The following TC2N variants were observed in gnomAD, a reference collection of about 807,000 sequenced individuals.
The protein encoded by TC2N is tandem C2 domains nuclear protein.
A neutral mutation model predicts 61.9 loss-of-function variants in TC2N; 51 were observed. That is an observed-to-expected ratio of 0.82 (90% CI 0.66 to 1.04). The LOEUF is 1.04. Ranked by LOEUF, TC2N falls within the 50% of genes least tolerant of loss-of-function variation. TC2N has a pLI of 0.00. For missense variants in TC2N, 556 were observed against 566.7 expected, an observed-to-expected ratio of 0.98 and a Z score of 0.19; for synonymous variants, 204 against 192.6, an observed-to-expected ratio of 1.06 and a Z score of -0.49.
chr14:91,784,652 T>C (rs1885276017), intron 11 of TC2N, among the ~76,000 whole-genome samples: 2 of 152,176 alleles, frequency 1.3e-5, no homozygotes. Context: ...TGTTGTTTTA[T>C]ACAAATTGTA....
Position 91,797,897 on chromosome 14 carries a change from C to T in TC2N, c.743G>A (p.Arg248Lys). The T allele has an allele frequency of 6.4e-7, 1 of 1,553,468 alleles. No homozygotes were observed. Among genetic ancestry groups the T allele is most frequent in the East Asian group, 2.3e-5 (1 of 44,272 alleles). The change falls in exon 8 of 12, where the codon AGA becomes AAA. Residue 248 changes from arginine to lysine, a missense_variant. By Grantham distance (26) the Arg-to-Lys change is conservative (BLOSUM62 2). Transcript: ENST00000435962. ...EQIWITVLQC[R>K]DLSWPSSYGD... ...ATAACTAGAGGGCCAACTTAAATCT[C>T]TGCACTAAAAAAATTAAAAATACAG...
At chr14:91,813,580 A>C (rs565596387) in intron 2 of TC2N, 123 bp downstream of exon 2, 49 of 639,370 alleles carry the variant, frequency 7.7e-5, no homozygotes, top group Non-Finnish European at 1.2e-4. Context: ...ATATTTACTT[A>C]GTGTGCCTTA....
At chr14:91,811,576 A>T (rs1450097707) in intron 3 of TC2N, among the ~76,000 whole-genome samples, 1 of 152,104 alleles carries the variant, frequency 6.6e-6, no homozygotes, top group Non-Finnish European at 1.5e-5. Flanking sequence ...GTAACTATTT[A>T]GACTGGGAAG....
At chr14:91,809,916 A>C (rs1886689762) in intron 3 of TC2N, among the ~76,000 whole-genome samples, 2 of 152,212 alleles carry the variant, frequency 1.3e-5, no homozygotes, top group Admixed American at 1.3e-4. Flanking sequence ...GAAGAAAGAA[A>C]GGAAGGAAGG....
At position 91,802,292 on chromosome 14, in the gene TC2N, A is replaced by G. The variant is rs1386170219; in HGVS notation, c.431T>C (p.Phe144Ser). ...TCTCTTCACTTCTGAACGGGGAGGA[A>G]AGCGTCGACTCAAATCAGGTGAAAT... ...QHISPDLSRRFPPRSEVKRLY... is the reference protein window; with the variant it reads ...QHISPDLSRRSPPRSEVKRLY... Residue 144 changes from phenylalanine to serine, a missense_variant, in exon 4 of 12, where the codon TTT becomes TCT. Coordinates refer to ENST00000435962, the MANE Select transcript of TC2N (RefSeq NM_001128596.3). 1 of 1,601,400 alleles carries G rather than the reference A, an allele frequency of 6.2e-7. No individual in the cohort carries two copies. The highest frequency in any genetic ancestry group is 8.5e-7 in the Non-Finnish European group (1 of 1,175,550).
chr14:91,792,480 G>C lies in TC2N; in HGVS notation c.934C>G (p.Gln312Glu), dbSNP rs1885707693. The C allele has an allele frequency of 1.9e-6, 3 of 1,610,268 alleles. No homozygotes were observed. Among genetic ancestry groups the C allele is most frequent in the Non-Finnish European group, 8.5e-7 (1 of 1,177,626 alleles). Residue 312 changes from glutamine (Q) to glutamate (E), a missense_variant, in exon 9 of 12, where the codon CAA (glutamine) becomes GAA (glutamate). Gln to Glu is a conservative substitution (Grantham distance 29, BLOSUM62 2). Transcript: ENST00000435962. ...LQTVRLVFKI[Q>E]TQTPRKKTIG... Reference sequence around the variant, plus strand: ...GTTTTCTTCCTGGGAGTCTGGGTTTGAATCTTAAATACAAGTCTTACAGTT... The same window carrying C: ...GTTTTCTTCCTGGGAGTCTGGGTTTCAATCTTAAATACAAGTCTTACAGTT...
intron 1 of TC2N, among the ~76,000 whole-genome samples, chr14:91,828,486 CT>C (rs1566782438): frequency 6.6e-6 from 1 of 151,840 alleles, no homozygotes; most frequent in African/African-American, 2.4e-5. Flanking sequence ...TTATATATCT[CT>C]TTTTTAATGC....
chr14:91,783,032 T>C lies in TC2N; in HGVS notation c.*68A>G. On this transcript the variant is annotated 3_prime_UTR_variant, in exon 12 of 12. Coordinates refer to ENST00000435962, the MANE Select transcript of TC2N (RefSeq NM_001128596.3). The stretch of plus-strand genomic sequence containing the variant: ...TTGTTGATTTGCCTCTTCTCATTGG[T>C]AGCAAATTGAAATCATAAGTCTTCT... 1 of 1,000,556 alleles carries C rather than the reference T, an allele frequency of 1.0e-6. No individual in the cohort carries two copies. The highest frequency in any genetic ancestry group is 1.6e-6 in the Non-Finnish European group (1 of 642,532). The allele number at this position is 1,000,556 out of a possible 1,614,324, so 62.0% of individuals were successfully genotyped here.
intron 1 of TC2N, among the ~76,000 whole-genome samples, chr14:91,826,964 G>A (rs1437246114): frequency 6.6e-6 from 1 of 152,030 alleles, no homozygotes. Context: ...GTCTCCTCAT[G>A]TTTTAGATAT....
chr14:91,814,869 A>C (rs1886941309), intron 1 of TC2N, among the ~76,000 whole-genome samples: 2 of 151,658 alleles, frequency 1.3e-5, no homozygotes, highest in Admixed American at 1.3e-4. Flanking sequence ...CACAAAAATA[A>C]CTATGTCAGG....
In TC2N at chr14:91,799,065, C is replaced by T; in HGVS notation, c.562-1G>A. On this transcript the variant is annotated splice_acceptor_variant, in intron 5 of 11. Transcript: ENST00000435962. LOFTEE classifies it high-confidence loss of function. ...GTACACTGGACAATGAATCATGTCT[C>T]TATAAATAAAATTATTCTTTAGTCA... 6.4e-7 allele frequency: 1 copy of T among 1,565,674 alleles called. No individual in the cohort carries two copies. The highest frequency in any genetic ancestry group is 8.6e-7 in the Non-Finnish European group (1 of 1,159,248).
intron 8 of TC2N, among the ~76,000 whole-genome samples, chr14:91,793,168 C>T (rs1274364978): frequency 6.6e-6 from 1 of 152,198 alleles, no homozygotes; most frequent in African/African-American, 2.4e-5. Context: ...CCATCTCAGT[C>T]AGCAAGTCAC....
chr14:91,852,430 TAA>T (rs568387242), intron 1 of TC2N, among the ~76,000 whole-genome samples: 8 of 147,056 alleles, frequency 5.4e-5, no homozygotes, highest in African/African-American at 1.5e-4. Context: ...AAACTCCGTC[TAA>T]AAAAAAAAAT....
intron 1 of TC2N, among the ~76,000 whole-genome samples, chr14:91,816,677 T>C (rs1887015652): frequency 6.6e-6 from 1 of 151,926 alleles, no homozygotes; most frequent in Admixed American, 6.6e-5. Flanking sequence ...AGTATTATTT[T>C]CTATACTGAC....
chr14:91,831,469 T>G (rs1444184001), intron 1 of TC2N, among the ~76,000 whole-genome samples: 1 of 152,226 alleles, frequency 6.6e-6, no homozygotes, highest in East Asian at 1.9e-4. Context: ...TAACTTGTTC[T>G]CTCAAGTATC....
chr14:91,797,805 A>T lies in TC2N; in HGVS notation c.835T>A (p.Ser279Thr), dbSNP rs374405520. The change falls in exon 8 of 12, where the codon TCA becomes ACA. Residue 279 changes from serine (S) to threonine (T), a missense_variant. Ser to Thr is a moderately conservative substitution (Grantham distance 58). Coordinates refer to ENST00000435962, the MANE Select transcript of TC2N (RefSeq NM_001128596.3). The stretch of plus-strand genomic sequence containing the variant: ...CTTACGTTGGAACCTTCCTTGGCTG[A>T]AGATTTGAAATGCACTGGTTTGGGC... ...TLPKPVHFKS[S>T]AKEGSNAIEF... The T allele has an allele frequency of 1.2e-6, 2 of 1,604,622 alleles. No individual in the cohort carries two copies. The highest frequency in any genetic ancestry group is 1.7e-6 in the Non-Finnish European group (2 of 1,174,944).
At chr14:91,830,765 C>T (rs1887727628) in intron 1 of TC2N, among the ~76,000 whole-genome samples, 1 of 152,104 alleles carries the variant, frequency 6.6e-6, no homozygotes, top group South Asian at 2.1e-4. Context: ...TATTTTTGAC[C>T]ACCAAGGTAA....
intron 1 of TC2N, among the ~76,000 whole-genome samples, chr14:91,861,581 C>T (rs1888588967): frequency 6.6e-6 from 1 of 152,108 alleles, no homozygotes; most frequent in Admixed American, 6.6e-5. Context: ...GGGGAAGAAA[C>T]AAGAGGAGGA....
intron 5 of TC2N, 33 bp from the exon 6 acceptor site, chr14:91,799,097 G>T: frequency 1.4e-6 from 2 of 1,418,624 alleles, no homozygotes; most frequent in Non-Finnish European, 1.9e-6. Flanking sequence ...GTCAGAAATT[G>T]CATATGAAAC....
Sources: allele counts gnomAD v4.1 joint callset (sites outside exome capture counted in the v4.1 genomes callset), GRCh38; gene constraint gnomAD v4.1.1; transcripts MANE v1.5; gene names NCBI Gene and HGNC (gene_info 2026-07-23, HGNC 2026-07-21).